KCNH1: variants seen among roughly 807,000 people sequenced by gnomAD.
The protein encoded by KCNH1 is voltage-gated delayed rectifier potassium channel KCNH1.
Under a neutral mutation model 69.2 loss-of-function variants are expected in KCNH1, and 27 were observed. That is an observed-to-expected ratio of 0.39 (90% confidence interval 0.29 to 0.54). The LOEUF (loss-of-function observed/expected upper bound fraction) is 0.54. Among genes scored for constraint, KCNH1 ranks in the 20% least tolerant of loss-of-function variants. The pLI, the probability that KCNH1 is intolerant of heterozygous loss-of-function variation, is 0.68. For synonymous variants in KCNH1, 456 were observed against 487.7 expected (o/e 0.93, Z 0.86); for missense variants, 798 against 1,261.6 (o/e 0.63, Z 5.57).
At chr1:211,072,254 C>T (rs565936129) in intron 5 of KCNH1, among the ~76,000 whole-genome samples, 27 of 152,144 alleles carry the variant, frequency 1.8e-4, no homozygotes, top group African/African-American at 4.3e-4. Flanking sequence ...CCAGCCTGGG[C>T]GGCAGAGGGA....
At chr1:210,902,327 T>G (rs1687013838) in intron 7 of KCNH1, among the ~76,000 whole-genome samples, 1 of 152,184 alleles carries the variant, frequency 6.6e-6, no homozygotes, top group African/African-American at 2.4e-5. Context: ...TCTCAAGCAA[T>G]GGACACTGCA....
chr1:210,687,585 G>A (rs1031758388), intron 10 of KCNH1, among the ~76,000 whole-genome samples: 1 of 152,312 alleles, frequency 6.6e-6, no homozygotes, highest in East Asian at 1.9e-4. Context: ...AATCAGAGGG[G>A]TAAAACCAGC....
intron 7 of KCNH1, among the ~76,000 whole-genome samples, chr1:210,833,425 C>A (rs1685208487): frequency 1.3e-5 from 2 of 152,016 alleles, no homozygotes; most frequent in Admixed American, 6.6e-5. Context: ...GAAAAACAAG[C>A]AATGGGGAAA....
rs953556205 is a variant in KCNH1, at chr1:210,857,112, C to A, written c.1463-52946G>T. Among the ~76,000 whole-genome samples the A allele has an allele frequency of 9.9e-5, 15 of 151,686 alleles. No individual in the cohort carries two copies. The East Asian group carries it at 2.9e-3, about 30-fold the overall frequency. ...TGTTAGAATCTGCATGTTAACAAGACCCTCAGGTGATCTGTATGCACATTA... is the reference window on the plus strand; with the variant it reads ...TGTTAGAATCTGCATGTTAACAAGAACCTCAGGTGATCTGTATGCACATTA... On this transcript the variant is annotated intron_variant, in intron 7 of 10. Transcript: ENST00000271751.
chr1:211,102,284 C>G lies in KCNH1; in HGVS notation c.310+1212G>C, dbSNP rs574339622. On this transcript the variant is annotated intron_variant, in intron 3 of 10. Coordinates refer to ENST00000271751, the MANE Select transcript of KCNH1 (RefSeq NM_172362.3). Reference sequence around the variant, plus strand: ...TAACTTATTCCATTAGTTTATGACACATGTGCAGACCATGTCTTTCCCATG... The same window carrying G: ...TAACTTATTCCATTAGTTTATGACAGATGTGCAGACCATGTCTTTCCCATG... 2.9e-4 allele frequency among the ~76,000 whole-genome samples: 44 copies of G among 152,302 alleles called. No individual in the cohort carries two copies. In the South Asian group the frequency reaches 8.7e-3, roughly 30 times the overall value.
At chr1:210,816,566 T>C (rs4951462) in intron 7 of KCNH1, among the ~76,000 whole-genome samples, 21,851 of 152,212 alleles carry the variant, frequency 0.14, 1,600 homozygotes, top group Non-Finnish European at 0.15. Context: ...AGTTCTTGAT[T>C]GCAAAGAGAC....
chr1:210,729,127 C>G (rs1224474943), intron 10 of KCNH1, among the ~76,000 whole-genome samples: 2 of 152,168 alleles, frequency 1.3e-5, no homozygotes, highest in Non-Finnish European at 2.9e-5. Flanking sequence ...TAATCATTTC[C>G]CTTCAAGCCA....
At chr1:210,791,550 T>C (rs1000489991) in intron 9 of KCNH1, among the ~76,000 whole-genome samples, 1 of 152,226 alleles carries the variant, frequency 6.6e-6, no homozygotes, top group Non-Finnish European at 1.5e-5. Flanking sequence ...CGTGCTATAC[T>C]TTCCACTTTC....
At chr1:210,826,143 T>C (rs559538759) in intron 7 of KCNH1, among the ~76,000 whole-genome samples, 2 of 152,202 alleles carry the variant, frequency 1.3e-5, no homozygotes, top group Non-Finnish European at 2.9e-5. Flanking sequence ...TGGATTGAAT[T>C]TTTTTTCAAA....
chr1:210,908,112 G>C (rs566094420), intron 7 of KCNH1, among the ~76,000 whole-genome samples: 1 of 152,200 alleles, frequency 6.6e-6, no homozygotes, highest in Non-Finnish European at 1.5e-5. Context: ...GGAAATGAGT[G>C]CAAGGTTCTT....
At chr1:211,087,881 C>A (rs1690985821) in intron 4 of KCNH1, among the ~76,000 whole-genome samples, 1 of 152,156 alleles carries the variant, frequency 6.6e-6, no homozygotes, top group Non-Finnish European at 1.5e-5. Context: ...TTGCACGACC[C>A]ATCCCCTGTG....
At chr1:211,011,061 T>C (rs917276861) in intron 6 of KCNH1, among the ~76,000 whole-genome samples, 6 of 152,238 alleles carry the variant, frequency 3.9e-5, no homozygotes, top group African/African-American at 1.4e-4. Context: ...ACACGTGCCA[T>C]AGTGGTTTGC....
At chr1:210,731,559 C>A (rs1682746981) in intron 10 of KCNH1, among the ~76,000 whole-genome samples, 1 of 152,154 alleles carries the variant, frequency 6.6e-6, no homozygotes, top group Non-Finnish European at 1.5e-5. Flanking sequence ...AGGAGAGGAA[C>A]TCAAGGGCTT....
intron 7 of KCNH1, among the ~76,000 whole-genome samples, chr1:210,845,815 T>C (rs1685530242): frequency 6.6e-6 from 1 of 152,186 alleles, no homozygotes; most frequent in Admixed American, 6.5e-5. Flanking sequence ...GACATGATTG[T>C]ATATCTAGAA....
At chr1:211,100,288 T>C (rs180739947) in intron 3 of KCNH1, among the ~76,000 whole-genome samples, 60 of 152,166 alleles carry the variant, frequency 3.9e-4, no homozygotes, top group Non-Finnish European at 6.0e-4. Flanking sequence ...CTATTTAACT[T>C]GGCCGTGTGA....
chr1:211,122,705 C>T (rs542114399), intron 1 of KCNH1, among the ~76,000 whole-genome samples: 2 of 152,244 alleles, frequency 1.3e-5, no homozygotes, highest in Admixed American at 1.3e-4. Flanking sequence ...AAGCTATCAT[C>T]CTCAGAAAAC....
intron 5 of KCNH1, among the ~76,000 whole-genome samples, chr1:211,079,747 G>C (rs1438739407): frequency 2.0e-5 from 3 of 152,104 alleles, no homozygotes; most frequent in Non-Finnish European, 2.9e-5. Context: ...TGCAGAAAAG[G>C]CCTTCAACAA....
intron 7 of KCNH1, among the ~76,000 whole-genome samples, chr1:210,888,923 C>G (rs1686683810): frequency 6.6e-6 from 1 of 152,058 alleles, no homozygotes; most frequent in Non-Finnish European, 1.5e-5. Context: ...AGCCTAACAA[C>G]CAAAACAAAA....
At chr1:211,127,619 T>G (rs1488919994) in intron 1 of KCNH1, among the ~76,000 whole-genome samples, 1 of 152,230 alleles carries the variant, frequency 6.6e-6, no homozygotes, top group East Asian at 1.9e-4. Flanking sequence ...TTTGGTCATG[T>G]GCTCCTATTA....
Sources: allele counts gnomAD v4.1 joint callset (sites outside exome capture counted in the v4.1 genomes callset), GRCh38; gene constraint gnomAD v4.1.1; transcripts MANE v1.5; gene names NCBI Gene and HGNC (gene_info 2026-07-23, HGNC 2026-07-21).